The following CLPB variants were observed in gnomAD, a reference collection of about 807,000 sequenced individuals.
The protein encoded by CLPB is ClpB family mitochondrial disaggregase, also known as mitochondrial disaggregase.
CLPB carries 40 observed loss-of-function variants against 78.4 expected under a neutral mutation model. The observed-to-expected ratio is 0.51, with a 90% confidence interval of 0.40 to 0.66. The LOEUF (loss-of-function observed/expected upper bound fraction) is 0.66, where lower values mean the gene tolerates loss of function less well. Among genes scored for constraint, CLPB ranks in the 30% least tolerant of loss-of-function variants. CLPB has a pLI of 0.00. For missense variants in CLPB, 780 were observed against 886.9 expected, an observed-to-expected ratio of 0.88 and a Z score of 1.53; for synonymous variants, 333 against 348.0, an observed-to-expected ratio of 0.96 and a Z score of 0.48.
At chr11:72,307,114 G>T in intron 9 of CLPB, 85 bp downstream of exon 9, 1 of 1,270,940 alleles carries the variant, frequency 7.9e-7, no homozygotes. Flanking sequence ...GCCTATTACT[G>T]AATTCAGAGG....
intron 2 of CLPB, among the ~76,000 whole-genome samples, chr11:72,428,323 C>T (rs1174445391): frequency 2.6e-5 from 4 of 152,200 alleles, no homozygotes; most frequent in Non-Finnish European, 5.9e-5. Context: ...CACTCCTCTG[C>T]AAGTCAGCCT....
At chr11:72,328,311 G>A (rs892182156) in intron 6 of CLPB, among the ~76,000 whole-genome samples, 57 of 152,124 alleles carry the variant, frequency 3.7e-4, no homozygotes, top group African/African-American at 1.4e-3. Context: ...GCAACATAAG[G>A]CAAAAATAAA....
rs1949426942 is a variant in CLPB, at chr11:72,289,469, G to C, written c.*3898C>G. The C allele has an allele frequency of 6.6e-6, 1 of 152,166 alleles. No homozygotes were observed. The highest frequency in any genetic ancestry group is 2.4e-5 in the African/African-American group (1 of 41,428). The allele number at this position is 152,166 out of a possible 1,614,324, so 9.4% of individuals were successfully genotyped here. On this transcript the variant is annotated 3_prime_UTR_variant, in exon 16 of 16. Coordinates refer to ENST00000538039, the MANE Select transcript of CLPB (RefSeq NM_001258392.3). ...TCAAATAGAAAGGAGCAGAAACAGA[G>C]ATAGCAGGAGAAAAAGCAGAAAAAG...
chr11:72,295,363 A>T, intron 12 of CLPB, 129 bp downstream of exon 12: 1 of 898,052 alleles, frequency 1.1e-6, no homozygotes, highest in Non-Finnish European at 1.7e-6. Context: ...ATATCTGCTC[A>T]GTGTCAGCTA....
intron 4 of CLPB, among the ~76,000 whole-genome samples, chr11:72,375,602 T>C (rs552819429): frequency 5.2e-4 from 79 of 152,316 alleles, no homozygotes; most frequent in Non-Finnish European, 1.0e-3. Context: ...ACTTCTCAGG[T>C]AGAGCTCACC....
At chr11:72,366,898 G>A (rs751257209) in intron 4 of CLPB, among the ~76,000 whole-genome samples, 27 of 152,134 alleles carry the variant, frequency 1.8e-4, no homozygotes, top group Non-Finnish European at 2.5e-4. Context: ...AAAACAAATC[G>A]TTCTACCAAA....
chr11:72,382,330 T>C lies in CLPB; in HGVS notation c.543-1946A>G, dbSNP rs150177479. On this transcript the variant is annotated intron_variant, in intron 3 of 15. Coordinates refer to ENST00000538039, the MANE Select transcript of CLPB (RefSeq NM_001258392.3). ...CCCCCATAAACTCAGGCTCCAGGTC[T>C]GCCCCAGTACCAGACCAACCCCTGT... Among the ~76,000 whole-genome samples the C allele has an allele frequency of 6.8e-3, 1,042 of 152,176 alleles. 6 individuals carry two copies. Among genetic ancestry groups the C allele is most frequent in the African/African-American group, 0.01 (435 of 41,522 alleles).
intron 3 of CLPB, among the ~76,000 whole-genome samples, chr11:72,385,647 A>T (rs1189755498): frequency 6.6e-6 from 1 of 152,182 alleles, no homozygotes; most frequent in Non-Finnish European, 1.5e-5. Flanking sequence ...ACATGGTGAA[A>T]CCCTGTCTCT....
intron 5 of CLPB, among the ~76,000 whole-genome samples, chr11:72,351,858 A>G (rs1055167218): frequency 1.3e-5 from 2 of 152,178 alleles, no homozygotes; most frequent in Non-Finnish European, 2.9e-5. Flanking sequence ...GGCAAGAGCC[A>G]CCGCACCCAG....
At position 72,319,008 on chromosome 11, in the gene CLPB, T is replaced by C. The variant is rs1462568631; in HGVS notation, c.874-1788A>G. On this transcript the variant is annotated intron_variant, in intron 6 of 15. Coordinates refer to ENST00000538039, the MANE Select transcript of CLPB (RefSeq NM_001258392.3). ...TGCTGACTTGCAGTCGGGCAGGCCA[T>C]GGAAGGAGCCTGAAGGGATGGAAGC... is the stretch of plus-strand genomic sequence containing the variant. Among the ~76,000 whole-genome samples the C allele has an allele frequency of 2.0e-5, 3 of 152,202 alleles. No individual in the cohort carries two copies. The South Asian group carries it at 6.2e-4, about 31-fold the overall frequency.
chr11:72,359,673 C>T (rs1402177379), intron 4 of CLPB, among the ~76,000 whole-genome samples: 2 of 152,152 alleles, frequency 1.3e-5, no homozygotes, highest in Non-Finnish European at 2.9e-5. Flanking sequence ...ACTTGAGAAA[C>T]TATGTGTCAG....
intron 2 of CLPB, among the ~76,000 whole-genome samples, chr11:72,420,379 A>T (rs947946355): frequency 6.6e-6 from 1 of 152,146 alleles, no homozygotes; most frequent in Non-Finnish European, 1.5e-5. Flanking sequence ...CTGTAATCCC[A>T]GCTACTCGGG....
intron 6 of CLPB, among the ~76,000 whole-genome samples, chr11:72,321,949 G>C (rs1950051508): frequency 6.6e-6 from 1 of 151,692 alleles, no homozygotes; most frequent in South Asian, 2.1e-4. Flanking sequence ...AGGGAACAAG[G>C]GGGTAACAGA....
chr11:72,387,234 T>C (rs1855105560), intron 3 of CLPB, among the ~76,000 whole-genome samples: 1 of 152,206 alleles, frequency 6.6e-6, no homozygotes, highest in Non-Finnish European at 1.5e-5. Flanking sequence ...TGAAAACTAA[T>C]AATTGTAGAA....
At chr11:72,432,566 GTGTTAAGTTAGGAC>G (rs1856577483) in intron 1 of CLPB, among the ~76,000 whole-genome samples, 1 of 152,118 alleles carries the variant, frequency 6.6e-6, no homozygotes, top group Non-Finnish European at 1.5e-5. Flanking sequence ...GACTGATTTT[GTGTTAAGTTAGGAC>G]TTCCCACACA....
At chr11:72,427,740 T>C (rs1856427866) in intron 2 of CLPB, among the ~76,000 whole-genome samples, 1 of 152,230 alleles carries the variant, frequency 6.6e-6, no homozygotes, top group African/African-American at 2.4e-5. Context: ...TTTGGGTAAG[T>C]ATACTCTATG....
intron 14 of CLPB, 67 bp from the exon 15 acceptor site, chr11:72,294,193 C>T: frequency 1.2e-6 from 2 of 1,607,502 alleles, no homozygotes; most frequent in South Asian, 1.1e-5. Flanking sequence ...GCCACTCTGG[C>T]CTGAGGCCAG....
At chr11:72,340,151 G>A (rs1200636344) in intron 5 of CLPB, among the ~76,000 whole-genome samples, 12 of 152,142 alleles carry the variant, frequency 7.9e-5, no homozygotes, top group Non-Finnish European at 1.0e-4. Flanking sequence ...TGCTCCTGCC[G>A]TTACCTTATT....
At chr11:72,430,858 G>C (rs1462478577) in intron 1 of CLPB, among the ~76,000 whole-genome samples, 2 of 152,102 alleles carry the variant, frequency 1.3e-5, no homozygotes, top group African/African-American at 4.8e-5. Context: ...GGATGGAGAG[G>C]TCTCAACTAG....
Sources: gnomAD v4.1 joint callset for allele counts (sites outside exome capture counted in the v4.1 genomes callset) on GRCh38, gnomAD v4.1.1 for gene constraint, MANE v1.5 for transcripts, NCBI Gene and HGNC (gene_info 2026-07-23, HGNC 2026-07-21) for gene names.